TAFA2: variants seen among roughly 807,000 people sequenced by gnomAD.
TAFA2 encodes chemokine-like protein TAFA-2.
Under a neutral mutation model 18.8 loss-of-function variants are expected in TAFA2, and 7 were observed. The ratio of observed to expected loss-of-function variants is 0.37; its 90% confidence interval spans 0.21 to 0.70. The LOEUF is 0.70. Ranked by LOEUF, TAFA2 falls within the 30% of genes least tolerant of loss-of-function variation. The probability of loss-of-function intolerance (pLI) is 0.53; values close to 1 mark genes in which losing one functional copy is unlikely to be tolerated. For synonymous variants in TAFA2, 60 were observed against 54.2 expected (o/e 1.11, Z -0.47); for missense variants, 122 against 158.1 (o/e 0.77, Z 1.23).
At chr12:62,167,905 G>C (rs1386665086) in intron 1 of TAFA2, among the ~76,000 whole-genome samples, 1 of 152,076 alleles carries the variant, frequency 6.6e-6, no homozygotes, top group Non-Finnish European at 1.5e-5. Context: ...CCAAAGATAG[G>C]GCAATTTGAG....
chr12:62,173,181 G>A (rs2062490185), intron 1 of TAFA2, among the ~76,000 whole-genome samples: 1 of 152,336 alleles, frequency 6.6e-6, no homozygotes, highest in African/African-American at 2.4e-5. Flanking sequence ...GGGAGGCCGA[G>A]GCGGGAGGAT....
chr12:62,211,269 T>C (rs1175870769), intron 1 of TAFA2, among the ~76,000 whole-genome samples: 1 of 152,118 alleles, frequency 6.6e-6, no homozygotes, highest in African/African-American at 2.4e-5. Context: ...GAGTATGTGC[T>C]TACTTAAAAT....
chr12:62,105,771 T>C (rs1347711042), intron 1 of TAFA2, among the ~76,000 whole-genome samples: 1 of 152,174 alleles, frequency 6.6e-6, no homozygotes, highest in African/African-American at 2.4e-5. Context: ...AAGAGGGATG[T>C]GTAATACGAA....
At chr12:62,217,976 A>C (rs1392220931) in intron 1 of TAFA2, among the ~76,000 whole-genome samples, 1 of 103,990 alleles carries the variant, frequency 9.6e-6, no homozygotes, top group African/African-American at 3.0e-5. Context: ...GTATTTATTT[A>C]TTTATTTATT....
intron 1 of TAFA2, among the ~76,000 whole-genome samples, chr12:61,978,691 C>A (rs958093184): frequency 9.9e-5 from 15 of 151,986 alleles, no homozygotes; most frequent in Admixed American, 8.5e-4. Context: ...GGGCCTCAAC[C>A]AAGACCTACT....
intron 2 of TAFA2, among the ~76,000 whole-genome samples, chr12:61,845,208 T>TA (rs1464307049): frequency 6.6e-6 from 1 of 152,202 alleles, no homozygotes; most frequent in Non-Finnish European, 1.5e-5. Context: ...ATCATGCCCG[T>TA]AGCAGTTGTA....
chr12:62,250,243 GA>G (rs1208316940), intron 1 of TAFA2, among the ~76,000 whole-genome samples: 1 of 152,116 alleles, frequency 6.6e-6, no homozygotes, highest in African/African-American at 2.4e-5. Flanking sequence ...TTGGCACTTT[GA>G]AGATGATATT....
At chr12:62,239,824 G>A (rs1430793150) in intron 1 of TAFA2, among the ~76,000 whole-genome samples, 1 of 152,098 alleles carries the variant, frequency 6.6e-6, no homozygotes, top group Non-Finnish European at 1.5e-5. Context: ...GCTGCATGAA[G>A]CAGAAGTGAG....
chr12:61,902,855 G>T (rs988047604), intron 1 of TAFA2, among the ~76,000 whole-genome samples: 5 of 151,856 alleles, frequency 3.3e-5, no homozygotes, highest in Non-Finnish European at 7.4e-5. Context: ...CCCTGTCTAC[G>T]ATCCCTCTCC....
In TAFA2 at chr12:61,939,516, C is replaced by A. The variant is rs555665381; in HGVS notation, c.-1-72090G>T. On this transcript the variant is annotated intron_variant, in intron 1 of 4. Transcript: ENST00000416284. ...AACATTAAAAATAAAAATAAAAAAA[C>A]CTTGAGTTCTGGCAGTTCTACCCTT... is the stretch of plus-strand genomic sequence containing the variant. 5.9e-5 allele frequency among the ~76,000 whole-genome samples: 9 copies of A among 152,178 alleles called. No individual in the cohort carries two copies. In the East Asian group the frequency reaches 1.2e-3, roughly 20 times the overall value.
At chr12:61,719,291 TA>T (rs1869793746) in intron 4 of TAFA2, among the ~76,000 whole-genome samples, 1 of 152,210 alleles carries the variant, frequency 6.6e-6, no homozygotes, top group Non-Finnish European at 1.5e-5. Flanking sequence ...TGAATTCTGC[TA>T]AGGCATAGAC....
chr12:61,804,169 A>C (rs753235697), intron 2 of TAFA2, among the ~76,000 whole-genome samples: 99 of 152,094 alleles, frequency 6.5e-4, no homozygotes, highest in Admixed American at 2.4e-3. Context: ...TCAAGACAAT[A>C]ATATAATGGC....
At chr12:62,201,950 T>C (rs2062672689) in intron 1 of TAFA2, among the ~76,000 whole-genome samples, 1 of 152,220 alleles carries the variant, frequency 6.6e-6, no homozygotes, top group African/African-American at 2.4e-5. Flanking sequence ...ATTCAAATTC[T>C]TTCAGATTCA....
chr12:62,117,900 T>C (rs1870028814), intron 1 of TAFA2, among the ~76,000 whole-genome samples: 1 of 152,166 alleles, frequency 6.6e-6, no homozygotes, highest in Non-Finnish European at 1.5e-5. Context: ...GTACTTCAGG[T>C]GCACAGAATT....
intron 4 of TAFA2, among the ~76,000 whole-genome samples, chr12:61,745,599 T>C (rs1311275273): frequency 6.6e-6 from 1 of 152,096 alleles, no homozygotes; most frequent in Non-Finnish European, 1.5e-5. Context: ...TCCAACATAC[T>C]ATATATTTAC....
chr12:62,218,178 G>T (rs2062744814), intron 1 of TAFA2, among the ~76,000 whole-genome samples: 1 of 151,790 alleles, frequency 6.6e-6, no homozygotes, highest in Non-Finnish European at 1.5e-5. Context: ...TAAATTTTTA[G>T]TAGAGATGAG....
chr12:62,099,284 C>A (rs537712322), intron 1 of TAFA2, among the ~76,000 whole-genome samples: 3 of 152,022 alleles, frequency 2.0e-5, no homozygotes, highest in Admixed American at 2.0e-4. Context: ...AATTGTCTCC[C>A]AGCCCAGAAC....
chr12:61,852,890 T>G (rs1456842992), intron 2 of TAFA2, among the ~76,000 whole-genome samples: 4 of 152,136 alleles, frequency 2.6e-5, no homozygotes, highest in Non-Finnish European at 5.9e-5. Context: ...TACTTAAAAG[T>G]ATACTACAAG....
chr12:61,884,431 C>A (rs1013302441), intron 1 of TAFA2, among the ~76,000 whole-genome samples: 1 of 152,126 alleles, frequency 6.6e-6, no homozygotes, highest in Non-Finnish European at 1.5e-5. Context: ...CATATGACAC[C>A]ACTACCATTT....
Sources: allele counts gnomAD v4.1 joint callset (sites outside exome capture counted in the v4.1 genomes callset), GRCh38; gene constraint gnomAD v4.1.1; transcripts MANE v1.5; gene names NCBI Gene and HGNC (gene_info 2026-07-23, HGNC 2026-07-21).